The following CENPO variants were observed in gnomAD, a reference collection of about 807,000 sequenced individuals.
CENPO encodes the protein centromere protein O.
A neutral mutation model predicts 36.1 loss-of-function variants in CENPO; 30 were observed. The ratio of observed to expected loss-of-function variants is 0.83; its 90% CI spans 0.62 to 1.13. The LOEUF is 1.13. Ranked by LOEUF, CENPO falls within the 50% of genes most tolerant of loss-of-function variation. CENPO has a pLI of 0.00. For synonymous variants in CENPO, 171 were observed against 142.3 expected (o/e 1.20, Z -1.44); for missense variants, 349 against 357.8 (o/e 0.98, Z 0.20).
Position 24,821,066 on chromosome 2 carries a change from AT to A in CENPO, c.*1751del. On this transcript the variant is annotated 3_prime_UTR_variant, in exon 8 of 8. Transcript: ENST00000380834. ...GCCGCCACCCCCCCCCCATATGCAG[AT>A]TTACTCGGCATGGTAGTGGCCAGCT... 1.7e-6 allele frequency: 1 copy of A among 603,140 alleles called. No individual in the cohort carries two copies. The highest frequency in any genetic ancestry group is 2.8e-6 in the Non-Finnish European group (1 of 361,594). 37.4% of individuals were successfully genotyped at this position (603,140 alleles called of 1,614,324 possible). A position where few individuals can be genotyped will look rare whatever the true frequency, so the allele number is the denominator to read the frequency against.
chr2:24,816,048 C>T, intron 5 of CENPO: 1 of 400,574 alleles, frequency 2.5e-6, no homozygotes, highest in Non-Finnish European at 4.6e-6. Context: ...TTTGATCCAT[C>T]AGGGATTTAT....
rs1355280580 is a variant in CENPO at position 24,817,781 on chromosome 2, A to G, written c.878A>G (p.Lys293Arg). The G allele has an allele frequency of 6.2e-7, 1 of 1,614,026 alleles. No individual in the cohort carries two copies. Among genetic ancestry groups the G allele is most frequent in the Non-Finnish European group, 8.5e-7 (1 of 1,180,036 alleles). Residue 293 changes from lysine (K) to arginine (R), a missense_variant, in exon 7 of 8, where the codon AAG (lysine) becomes AGG (arginine). Lys to Arg is a conservative substitution (Grantham distance 26). Transcript: ENST00000380834. ...VFASFTRKGE[K>R]LDMSLVS ...GCCTCATTTACAAGAAAAGGAGAAA[A>G]GTTGGATATGAGTCTGGTCTCCTAA... is the stretch of plus-strand genomic sequence containing the variant.
chr2:24,793,470 GTGGA>G lies in CENPO; in HGVS notation c.-96_-93del. The stretch of plus-strand genomic sequence containing the variant: ...GACCGGTTGGTTTGGTTTTGAAGAC[GTGGA>G]TGGCGGGAATTCTCGCTTCTGGCCT... On this transcript the variant is annotated 5_prime_UTR_variant, in exon 1 of 8. It removes an upstream start codon present in the reference 5' UTR. Transcript: ENST00000380834. 1 of 1,604,110 alleles carries G rather than the reference GTGGA, an allele frequency of 6.2e-7. No homozygotes were observed. Among genetic ancestry groups the G allele is most frequent in the Non-Finnish European group, 8.5e-7 (1 of 1,175,074 alleles).
chr2:24,817,244 A>G (rs2148292854), intron 6 of CENPO, among the ~76,000 whole-genome samples: 1 of 152,300 alleles, frequency 6.6e-6, no homozygotes, highest in South Asian at 2.1e-4. Context: ...CTAAATGGAA[A>G]TCCTTCCAGA....
At chr2:24,812,359 T>C (rs1455293578) in intron 3 of CENPO, among the ~76,000 whole-genome samples, 2 of 152,194 alleles carry the variant, frequency 1.3e-5, no homozygotes, top group Admixed American at 1.3e-4. Flanking sequence ...TCTTTGTCTT[T>C]GGTTTTTAGC....
rs934124551 is a variant in CENPO at position 24,821,056 on chromosome 2, C to A, written c.*1738C>A. The stretch of plus-strand genomic sequence containing the variant: ...TTAGGTGTCAGCCGCCACCCCCCCC[C>A]CATATGCAGATTTACTCGGCATGGT... On this transcript the variant is annotated 3_prime_UTR_variant, in exon 8 of 8. Coordinates refer to ENST00000380834, the MANE Select transcript of CENPO (RefSeq NM_001322101.2). The A allele has an allele frequency of 6.2e-6, 4 of 648,196 alleles. No individual in the cohort carries two copies. The highest frequency in any genetic ancestry group is 5.6e-5 in the African/African-American group (3 of 54,052). The allele number at this position is 648,196 out of a possible 1,614,324, so 40.2% of individuals were successfully genotyped here.
At chr2:24,800,050 C>T (rs1056071173) in intron 3 of CENPO, among the ~76,000 whole-genome samples, 2 of 152,184 alleles carry the variant, frequency 1.3e-5, no homozygotes, top group Admixed American at 6.5e-5. Flanking sequence ...CTTTGAAAGG[C>T]GAGGCAGGCC....
At chr2:24,815,111 G>A (rs1280273684) in intron 4 of CENPO, among the ~76,000 whole-genome samples, 1 of 151,952 alleles carries the variant, frequency 6.6e-6, no homozygotes, top group Non-Finnish European at 1.5e-5. Context: ...GGTGGCATGC[G>A]CTTGTGGTCC....
At chr2:24,798,437 A>G (rs564762453) in intron 2 of CENPO, among the ~76,000 whole-genome samples, 1 of 152,254 alleles carries the variant, frequency 6.6e-6, no homozygotes, top group Non-Finnish European at 1.5e-5. Flanking sequence ...AATTCTGCAT[A>G]TAGTGCGTGT....
intron 5 of CENPO, 24 bp from the exon 6 acceptor site, chr2:24,816,622 C>T (rs1162767106): frequency 6.4e-6 from 10 of 1,550,830 alleles, no homozygotes; most frequent in South Asian, 2.5e-5. Context: ...TCCTCTACTT[C>T]GTTTTGTTCC....
chr2:24,821,702 G>A lies in CENPO; in HGVS notation c.*2384G>A. 6.3e-7 allele frequency: 1 copy of A among 1,585,496 alleles called. No homozygotes were observed. Among genetic ancestry groups the A allele is most frequent in the African/African-American group, 1.3e-5 (1 of 74,538 alleles). ...GCTCACTGCAGCAGCCTGCTCTGCTGCCTTCCCTGGCAGTGTTCTGGGGGT... is the reference window on the plus strand; with the variant it reads ...GCTCACTGCAGCAGCCTGCTCTGCTACCTTCCCTGGCAGTGTTCTGGGGGT... On this transcript the variant is annotated 3_prime_UTR_variant, in exon 8 of 8. Transcript: ENST00000380834.
intron 3 of CENPO, among the ~76,000 whole-genome samples, chr2:24,807,916 C>T (rs1460383871): frequency 1.3e-5 from 2 of 152,158 alleles, no homozygotes; most frequent in East Asian, 1.9e-4. Flanking sequence ...ATTTGAAAAT[C>T]TTCTGTTGCA....
chr2:24,816,904 C>A, intron 6 of CENPO, 87 bp downstream of exon 6: 1 of 1,244,330 alleles, frequency 8.0e-7, no homozygotes, highest in Non-Finnish European at 1.1e-6. Context: ...ATGAAGTAGA[C>A]CTCTTGAGAC....
chr2:24,796,743 A>G (rs1035440900), intron 2 of CENPO, among the ~76,000 whole-genome samples: 9 of 152,212 alleles, frequency 5.9e-5, no homozygotes, highest in East Asian at 1.9e-4. Flanking sequence ...TGAAGGTGCT[A>G]CAAAGGTTTC....
chr2:24,820,855 T>A lies in CENPO; in HGVS notation c.*1537T>A, dbSNP rs781445175. ...ACCCCGCCTTTGTTCATGCCTAGGG[T>A]AGAGGCATAAAGTTCAGCACAGCCA... On this transcript the variant is annotated 3_prime_UTR_variant, in exon 8 of 8. Transcript: ENST00000380834. The A allele has an allele frequency of 6.2e-7, 1 of 1,613,502 alleles. No homozygotes were observed. The highest frequency in any genetic ancestry group is 1.3e-5 in the African/African-American group (1 of 74,880).
At chr2:24,796,988 C>T (rs958392413) in intron 2 of CENPO, among the ~76,000 whole-genome samples, 1 of 152,120 alleles carries the variant, frequency 6.6e-6, no homozygotes, top group Non-Finnish European at 1.5e-5. Context: ...CAGTAGGCCT[C>T]GTAGGCAGTG....
chr2:24,813,809 G>C (rs371796744), intron 3 of CENPO, among the ~76,000 whole-genome samples: 118 of 152,354 alleles, frequency 7.7e-4, no homozygotes, highest in African/African-American at 2.7e-3. Context: ...AGGGAAGCCA[G>C]CTCAGAGCAT....
At chr2:24,803,251 C>T (rs556772545) in intron 3 of CENPO, among the ~76,000 whole-genome samples, 1 of 151,390 alleles carries the variant, frequency 6.6e-6, no homozygotes, top group Non-Finnish European at 1.5e-5. Flanking sequence ...AGCGGTCTAT[C>T]AATTTTGTTG....
rs1666077768 is a variant in CENPO at position 24,799,721 on chromosome 2, C to G, written c.93C>G (p.Ser31=). The G allele has an allele frequency of 3.1e-6, 5 of 1,613,916 alleles. No individual in the cohort carries two copies. The highest frequency in any genetic ancestry group is 2.7e-5 in the African/African-American group (2 of 74,904). Residue 31 remains serine, a synonymous_variant, in exon 3 of 8, where the codon TCC becomes TCG. Transcript: ENST00000380834. ...GGCTAGAGACCCAAGTGAGCAGATC[C>G]CGTAAACAGTCTGAAGAGCTGCAGA... ...LERLETQVSR[S]RKQSEELQSV...
Sources: gnomAD v4.1 joint callset for allele counts (sites outside exome capture counted in the v4.1 genomes callset) on GRCh38, gnomAD v4.1.1 for gene constraint, MANE v1.5 for transcripts, NCBI Gene and HGNC (gene_info 2026-07-23, HGNC 2026-07-21) for gene names.